PREX1: variants seen among roughly 807,000 people sequenced by gnomAD.
The protein encoded by PREX1 is phosphatidylinositol-3,4,5-trisphosphate dependent Rac exchange factor 1, also known as phosphatidylinositol 3,4,5-trisphosphate-dependent Rac exchanger 1 protein.
PREX1 carries 41 observed loss-of-function variants against 198.3 expected under a neutral mutation model. The ratio of observed to expected loss-of-function variants is 0.21; its 90% CI spans 0.16 to 0.27. The LOEUF (loss-of-function observed/expected upper bound fraction) is 0.27, where lower values mean the gene tolerates loss of function less well. Among genes scored for constraint, PREX1 ranks in the 10% least tolerant of loss-of-function variants. The probability of loss-of-function intolerance (pLI) is 1.00; values close to 1 mark genes in which losing one functional copy is unlikely to be tolerated. For synonymous variants in PREX1, 843 were observed against 887.2 expected (o/e 0.95, Z 0.89); for missense variants, 1,620 against 2,200.7 (o/e 0.74, Z 5.28).
chr20:48,837,152 A>G, the PREX1 span, among the ~76,000 whole-genome samples: 2 of 152,220 alleles, frequency 1.3e-5, no homozygotes, highest in Non-Finnish European at 2.9e-5. Context: ...AATGACTATT[A>G]CTAAAAAGCC....
Position 48,708,320 on chromosome 20 carries a change from C to G in PREX1, c.723G>C (p.Lys241Asn). ...GGGCTTCCAGCTTCTCCATCTGCCG[C>G]TTGGTCTCATTGATGTTGGAGCAAA... ...KTVCSNINET[K>N]RQMEKLEALE... Residue 241 changes from lysine to asparagine, a missense_variant, in exon 6 of 40, where the codon AAG becomes AAC. Transcript: ENST00000371941. 6.2e-7 allele frequency: 1 copy of G among 1,614,136 alleles called. No homozygotes were observed. The highest frequency in any genetic ancestry group is 8.5e-7 in the Non-Finnish European group (1 of 1,180,040).
chr20:48,783,592 G>A (rs940372645), intron 1 of PREX1, among the ~76,000 whole-genome samples: 23 of 152,052 alleles, frequency 1.5e-4, no homozygotes, highest in East Asian at 1.9e-4. Flanking sequence ...CCAAACCATC[G>A]GAACCCAGGA....
At chr20:48,817,132 C>T (rs1168912783) in intron 1 of PREX1, among the ~76,000 whole-genome samples, 7 of 152,188 alleles carry the variant, frequency 4.6e-5, no homozygotes, top group Non-Finnish European at 8.8e-5. Context: ...AGGGATTTCA[C>T]AGCAGGGCAA....
At chr20:48,825,745 G>A (rs556326185) in intron 1 of PREX1, among the ~76,000 whole-genome samples, 1 of 151,914 alleles carries the variant, frequency 6.6e-6, no homozygotes, top group Admixed American at 6.6e-5. Context: ...GCATGGAGTG[G>A]CTCAGAAGGA....
At chr20:48,846,797 C>A in the PREX1 span, among the ~76,000 whole-genome samples, 5 of 152,098 alleles carry the variant, frequency 3.3e-5, no homozygotes, top group African/African-American at 1.2e-4. Context: ...GACCAGAGGG[C>A]CAGGAGAGAA....
At position 48,692,787 on chromosome 20, in the gene PREX1, G is replaced by C; in HGVS notation, c.921C>G (p.Val307=). The C allele has an allele frequency of 3.1e-6, 5 of 1,612,936 alleles. No homozygotes were observed. The highest frequency in any genetic ancestry group is 4.2e-6 in the Non-Finnish European group (5 of 1,179,106). The change falls in exon 8 of 40, where the codon GTC becomes GTG. Residue 307 remains valine, a synonymous_variant. Coordinates refer to ENST00000371941, the MANE Select transcript of PREX1 (RefSeq NM_020820.4). ...TCTTGGTGGACTTCTTGCTCCCGGT[G>C]ACCCTGATAGACAGTGAGAAGTCAG... ...LLVYCKRKSR[V]TGSKKSTKRT...
intron 21 of PREX1, 134 bp downstream of exon 21, chr20:48,652,452 A>G: frequency 7.6e-7 from 1 of 1,323,658 alleles, no homozygotes; most frequent in Non-Finnish European, 1.0e-6. Flanking sequence ...AAAAGGAAAA[A>G]AAAAACAAAC....
chr20:48,741,729 A>T (rs149943556), intron 3 of PREX1, among the ~76,000 whole-genome samples: 1 of 152,318 alleles, frequency 6.6e-6, no homozygotes, highest in African/African-American at 2.4e-5. Context: ...AGCAACTTAA[A>T]CAGGAGGGCA....
chr20:48,817,453 T>C (rs2090464004), intron 1 of PREX1, among the ~76,000 whole-genome samples: 1 of 152,218 alleles, frequency 6.6e-6, no homozygotes, highest in African/African-American at 2.4e-5. Context: ...AAAAATAACC[T>C]CACTAATTAC....
intron 29 of PREX1, among the ~76,000 whole-genome samples, chr20:48,640,757 T>C (rs1175630658): frequency 2.9e-5 from 4 of 138,726 alleles, no homozygotes; most frequent in East Asian, 2.1e-4. Flanking sequence ...AATGGACAGG[T>C]AGATGATGAA....
chr20:48,628,393 A>G (rs3935522), intron 37 of PREX1, among the ~76,000 whole-genome samples: 61,848 of 151,972 alleles, frequency 0.41, 12,716 homozygotes, highest in Middle Eastern at 0.55. Flanking sequence ...ATTCTGCAGC[A>G]AGACCTCTAG....
At position 48,688,743 on chromosome 20, in the gene PREX1, C is replaced by G. The variant is rs749378585; in HGVS notation, c.1248G>C (p.Leu416=). The G allele has an allele frequency of 3.7e-6, 6 of 1,614,210 alleles. No individual in the cohort carries two copies. In the South Asian group the frequency reaches 5.5e-5, roughly 15 times the overall value. Residue 416 remains leucine, a synonymous_variant, in exon 10 of 40, where the codon CTG becomes CTC. Transcript: ENST00000371941. ...CCTTCTTGTTCATCATCATGTGGTA[C>G]AGCTTCTCCCCCTTCTCCGCAATCA... The part of the protein sequence containing the change: ...YVMIAEKGEK[L]YHMMMNKKVN...
the PREX1 span, among the ~76,000 whole-genome samples, chr20:48,882,448 G>A: frequency 7.8e-6 from 1 of 128,306 alleles, no homozygotes; most frequent in African/African-American, 3.1e-5. Context: ...CTTGCAATGA[G>A]CCGAGATCGC....
intron 16 of PREX1, among the ~76,000 whole-genome samples, chr20:48,658,828 G>A (rs572341058): frequency 1.4e-4 from 22 of 152,236 alleles, no homozygotes; most frequent in Non-Finnish European, 3.1e-4. Flanking sequence ...AGGCCTGAAC[G>A]AAATGAAAAA....
At chr20:48,683,405 C>T (rs890099811) in intron 10 of PREX1, among the ~76,000 whole-genome samples, 5 of 152,348 alleles carry the variant, frequency 3.3e-5, no homozygotes, top group East Asian at 3.9e-4. Flanking sequence ...CAAAGCTGGG[C>T]GGGTCCCTGT....
chr20:48,646,964 G>C (rs1297083741), intron 25 of PREX1, among the ~76,000 whole-genome samples: 1 of 152,260 alleles, frequency 6.6e-6, no homozygotes, highest in Non-Finnish European at 1.5e-5. Flanking sequence ...AAACAGGCTA[G>C]GCCCAGTGGC....
intron 1 of PREX1, among the ~76,000 whole-genome samples, chr20:48,763,208 G>A (rs929293198): frequency 3.3e-5 from 5 of 152,232 alleles, no homozygotes; most frequent in African/African-American, 7.2e-5. Flanking sequence ...GAATTTGATG[G>A]GTTAGGATAA....
At position 48,649,389 on chromosome 20, in the gene PREX1, GTCC is replaced by G. The variant is rs1002935550; in HGVS notation, c.3213_3215del (p.Glu1071del). On this transcript the variant is annotated inframe_deletion, in exon 25 of 40. Coordinates refer to ENST00000371941, the MANE Select transcript of PREX1 (RefSeq NM_020820.4). ...GCAGGTAGGCATCCTGGATCTCACGGTCCTCCTGCTTGAGTAGGAAGCTGAGGC... is the reference window on the plus strand; with the variant it reads ...GCAGGTAGGCATCCTGGATCTCACGGTCCTGCTTGAGTAGGAAGCTGAGGC... 6.2e-7 allele frequency: 1 copy of G among 1,614,056 alleles called. No homozygotes were observed. The highest frequency in any genetic ancestry group is 1.3e-5 in the African/African-American group (1 of 74,912).
At chr20:48,686,501 A>G (rs1467828597) in intron 10 of PREX1, among the ~76,000 whole-genome samples, 1 of 152,226 alleles carries the variant, frequency 6.6e-6, no homozygotes, top group Non-Finnish European at 1.5e-5. Flanking sequence ...TTCTGATCAC[A>G]GACAGGCTGC....
Sources: gnomAD v4.1 joint callset for allele counts (sites outside exome capture counted in the v4.1 genomes callset) on GRCh38, gnomAD v4.1.1 for gene constraint, MANE v1.5 for transcripts, NCBI Gene and HGNC (gene_info 2026-07-23, HGNC 2026-07-21) for gene names.